The following SLC4A4 variants were observed in gnomAD, a reference collection of about 807,000 sequenced individuals.
The protein encoded by SLC4A4 is electrogenic sodium bicarbonate cotransporter 1.
In SLC4A4, 27 loss-of-function variants were observed where a neutral mutation model predicts 111.5. That is an observed-to-expected ratio of 0.24 (90% CI 0.18 to 0.33). The LOEUF is 0.33. Among genes scored for constraint, SLC4A4 ranks in the 10% least tolerant of loss-of-function variants. The pLI is 1.00. For missense variants in SLC4A4, 909 were observed against 1,315.5 expected, an observed-to-expected ratio of 0.69 and a Z score of 4.78; for synonymous variants, 443 against 463.4, an observed-to-expected ratio of 0.96 and a Z score of 0.57.
intron 1 of SLC4A4, among the ~76,000 whole-genome samples, chr4:71,067,876 T>C (rs1352255791): frequency 6.6e-6 from 1 of 151,684 alleles, no homozygotes; most frequent in South Asian, 2.1e-4. Context: ...GCCTCCTGAG[T>C]AGCTGGGACT....
intron 6 of SLC4A4, among the ~76,000 whole-genome samples, chr4:71,382,528 G>T (rs1718253758): frequency 6.6e-6 from 1 of 152,180 alleles, no homozygotes. Context: ...CTTGGTCTGT[G>T]CAAATGCTAC....
chr4:71,136,982 G>T (rs906266758), intron 2 of SLC4A4, among the ~76,000 whole-genome samples: 1 of 152,122 alleles, frequency 6.6e-6, no homozygotes, highest in African/African-American at 2.4e-5. Flanking sequence ...CCAAAGAAGA[G>T]GTACCTCTGT....
At chr4:71,085,286 T>A (rs1211332673) in intron 1 of SLC4A4, among the ~76,000 whole-genome samples, 2 of 152,066 alleles carry the variant, frequency 1.3e-5, no homozygotes, top group Admixed American at 6.6e-5. Context: ...TTTGAGTTCA[T>A]TGTAGATTCT....
intron 2 of SLC4A4, among the ~76,000 whole-genome samples, chr4:71,099,642 T>C (rs750930898): frequency 2.0e-5 from 3 of 152,056 alleles, no homozygotes; most frequent in African/African-American, 7.2e-5. Context: ...AAAAGATCAA[T>C]GAATCCAGGA....
rs559967055 is a variant in SLC4A4 at position 71,490,884 on chromosome 4, G to A, written c.1974+3866G>A. Among the ~76,000 whole-genome samples, 4 of 151,842 alleles carry A rather than the reference G, an allele frequency of 2.6e-5. 1 individual carries two copies. Among genetic ancestry groups the A allele is most frequent in the African/African-American group, 9.6e-5 (4 of 41,474 alleles). ...TTGGGCATGATGGCACACACCTGTA[G>A]GGTTATAGTGAGCTACAATCATGCC... On this transcript the variant is annotated intron_variant, in intron 15 of 25. Coordinates refer to ENST00000264485, the MANE Select transcript of SLC4A4 (RefSeq NM_001098484.3).
intron 2 of SLC4A4, among the ~76,000 whole-genome samples, chr4:71,131,290 C>T (rs1047608126): frequency 4.6e-5 from 7 of 152,152 alleles, no homozygotes; most frequent in African/African-American, 9.7e-5. Flanking sequence ...AGTGCACTTT[C>T]GCCGTCCCTC....
At chr4:71,156,565 TGCGCGCATGCGC>T (rs1318433071) in intron 2 of SLC4A4, among the ~76,000 whole-genome samples, 1 of 27,398 alleles carries the variant, frequency 3.6e-5, no homozygotes, top group African/African-American at 4.3e-5. Context: ...AATAAGTGTG[TGCGCGCATGCGC>T]GCGCGCGCGC....
At chr4:71,401,322 T>G (rs1439798632) in intron 7 of SLC4A4, among the ~76,000 whole-genome samples, 1 of 152,158 alleles carries the variant, frequency 6.6e-6, no homozygotes, top group Non-Finnish European at 1.5e-5. Context: ...TGGCTTAAAA[T>G]AGTTAACAGC....
At chr4:71,485,189 G>A (rs1230931421) in intron 14 of SLC4A4, among the ~76,000 whole-genome samples, 2 of 151,810 alleles carry the variant, frequency 1.3e-5, no homozygotes, top group Non-Finnish European at 2.9e-5. Flanking sequence ...AATAGGAGTG[G>A]TGAGAGAGGG....
chr4:71,078,728 C>T (rs978928282), intron 1 of SLC4A4, among the ~76,000 whole-genome samples: 1 of 152,028 alleles, frequency 6.6e-6, no homozygotes, highest in Non-Finnish European at 1.5e-5. Flanking sequence ...GGTCGTAAAA[C>T]GATAAGGAGA....
intron 22 of SLC4A4, 78 bp from the exon 23 acceptor site, chr4:71,560,015 T>C: frequency 4.4e-6 from 5 of 1,135,828 alleles, no homozygotes; most frequent in Non-Finnish European, 1.3e-6. Flanking sequence ...TCTGTGGTCT[T>C]TGATAGGAGA....
intron 7 of SLC4A4, among the ~76,000 whole-genome samples, chr4:71,408,801 CTTA>C (rs1721102615): frequency 6.6e-6 from 1 of 152,068 alleles, no homozygotes; most frequent in Non-Finnish European, 1.5e-5. Context: ...CCATCTAGTA[CTTA>C]TTATTTTCAT....
intron 1 of SLC4A4, among the ~76,000 whole-genome samples, chr4:71,188,097 T>G (rs1048006267): frequency 1.3e-5 from 2 of 152,212 alleles, no homozygotes; most frequent in African/African-American, 4.8e-5. Flanking sequence ...GAGAGGTGAT[T>G]TCTTTTTTCT....
At chr4:71,290,426 C>T (rs1724249594) in intron 3 of SLC4A4, among the ~76,000 whole-genome samples, 1 of 152,160 alleles carries the variant, frequency 6.6e-6, no homozygotes. Flanking sequence ...GAGAGAATTT[C>T]AACAGTGCTA....
chr4:71,138,394 C>T (rs146087944), intron 2 of SLC4A4, among the ~76,000 whole-genome samples: 1 of 152,254 alleles, frequency 6.6e-6, no homozygotes, highest in African/African-American at 2.4e-5. Flanking sequence ...TGTAAACTCT[C>T]TTGCAACACA....
intron 8 of SLC4A4, among the ~76,000 whole-genome samples, chr4:71,443,703 G>A (rs1724981140): frequency 6.6e-6 from 1 of 152,168 alleles, no homozygotes; most frequent in Non-Finnish European, 1.5e-5. Context: ...ATTTGCACAT[G>A]TAAGGTAATT....
chr4:71,389,869 A>G (rs1370650646), intron 6 of SLC4A4, among the ~76,000 whole-genome samples: 2 of 152,210 alleles, frequency 1.3e-5, no homozygotes, highest in African/African-American at 4.8e-5. Flanking sequence ...TTTACATTAT[A>G]TAAAATAAAA....
chr4:71,121,784 G>A (rs1233832361), intron 2 of SLC4A4, among the ~76,000 whole-genome samples: 2 of 152,176 alleles, frequency 1.3e-5, no homozygotes, highest in Non-Finnish European at 2.9e-5. Context: ...CTTCCACGTT[G>A]TGGAAGCTTT....
intron 2 of SLC4A4, among the ~76,000 whole-genome samples, chr4:71,242,026 A>G (rs1560806005): frequency 2.0e-5 from 3 of 152,196 alleles, no homozygotes; most frequent in East Asian, 1.9e-4. Flanking sequence ...TTTCACTTCA[A>G]GGAAGGCTGA....
Sources: gnomAD v4.1 joint callset for allele counts (sites outside exome capture counted in the v4.1 genomes callset) on GRCh38, gnomAD v4.1.1 for gene constraint, MANE v1.5 for transcripts, NCBI Gene and HGNC (gene_info 2026-07-23, HGNC 2026-07-21) for gene names.